The following CBFA2T3 variants were observed in gnomAD, a reference collection of about 807,000 sequenced individuals.
The protein encoded by CBFA2T3 is transcriptional corepressor CBFA2T3.
In CBFA2T3, 31 loss-of-function variants were observed where a neutral mutation model predicts 58.6. The ratio of observed to expected loss-of-function variants is 0.53; its 90% CI spans 0.40 to 0.71. The LOEUF (loss-of-function observed/expected upper bound fraction) is 0.71. Ranked by LOEUF, CBFA2T3 falls within the 30% of genes least tolerant of loss-of-function variation. The pLI, the probability that CBFA2T3 is intolerant of heterozygous loss-of-function variation, is 0.00. For missense variants in CBFA2T3, 1,076 were observed against 963.1 expected, an observed-to-expected ratio of 1.12 and a Z score of -1.55; for synonymous variants, 531 against 421.9, an observed-to-expected ratio of 1.26 and a Z score of -3.17.
intron 1 of CBFA2T3, 108 bp from the exon 2 acceptor site, chr16:88,901,764 G>A (rs545429052): frequency 4.8e-5 from 48 of 1,009,488 alleles, no homozygotes; most frequent in Admixed American, 3.5e-4. Flanking sequence ...TCCGCCCAGC[G>A]CTGGGGCAGT....
At chr16:88,880,494 G>A (rs1969023887) in intron 10 of CBFA2T3, among the ~76,000 whole-genome samples, 1 of 152,160 alleles carries the variant, frequency 6.6e-6, no homozygotes. Flanking sequence ...TTATTCTGCT[G>A]GGCGGCCACC....
intron 5 of CBFA2T3, among the ~76,000 whole-genome samples, chr16:88,890,944 C>T (rs1048433636): frequency 2.0e-5 from 3 of 152,124 alleles, no homozygotes; most frequent in Admixed American, 6.5e-5. Context: ...GAACTCCTGG[C>T]CTCAAGCAAT....
chr16:88,948,741 C>T (rs1216035559), intron 1 of CBFA2T3, among the ~76,000 whole-genome samples: 1 of 152,202 alleles, frequency 6.6e-6, no homozygotes, highest in Non-Finnish European at 1.5e-5. Context: ...TGAAGCTTGC[C>T]AAACCTCAGT....
At chr16:88,890,550 C>T (rs1180105445) in intron 5 of CBFA2T3, among the ~76,000 whole-genome samples, 2 of 152,334 alleles carry the variant, frequency 1.3e-5, no homozygotes, top group East Asian at 3.9e-4. Context: ...TGGTCAGACA[C>T]ATTTGGGGAA....
At chr16:88,940,862 G>C (rs957885652) in intron 1 of CBFA2T3, among the ~76,000 whole-genome samples, 1 of 152,198 alleles carries the variant, frequency 6.6e-6, no homozygotes, top group African/African-American at 2.4e-5. Context: ...CAGCCCGGAT[G>C]GGTGGGCGCT....
chr16:88,971,670 A>C (rs1204379655), intron 1 of CBFA2T3, among the ~76,000 whole-genome samples: 1 of 152,194 alleles, frequency 6.6e-6, no homozygotes, highest in Non-Finnish European at 1.5e-5. Flanking sequence ...GACCCAGTCC[A>C]CAGCTCCCAG....
intron 9 of CBFA2T3, 162 bp from the exon 10 acceptor site, chr16:88,880,950 G>A (rs1307370183): frequency 1.4e-6 from 1 of 702,862 alleles, no homozygotes; most frequent in African/African-American, 1.8e-5. Flanking sequence ...AGGCACCCAG[G>A]GCAGTGCCCG....
intron 3 of CBFA2T3, among the ~76,000 whole-genome samples, chr16:88,894,205 TAC>T (rs1491263198): frequency 7.0e-5 from 10 of 143,254 alleles, no homozygotes; most frequent in Middle Eastern, 3.6e-3. Context: ...GCACACAATG[TAC>T]ACACATGCAC....
In CBFA2T3 at chr16:88,882,571, TGTGGGC is replaced by T. The variant is rs1319334095; in HGVS notation, c.1203+99_1203+104del. 27 of 401,208 alleles carry T rather than the reference TGTGGGC, an allele frequency of 6.7e-5. No individual in the cohort carries two copies. The East Asian group carries it at 2.6e-3, about 38-fold the overall frequency. The allele number at this position is 401,208 out of a possible 1,614,324, so 24.9% of individuals were successfully genotyped here. Reference sequence around the variant, plus strand: ...GGGTGTGGCTGTGTGTGGGCATGGCTGTGGGCGTGGCTGTGTGTGCATGGCTGTGTG... The same window carrying T: ...GGGTGTGGCTGTGTGTGGGCATGGCTGTGGCTGTGTGTGCATGGCTGTGTG... On this transcript the variant is annotated intron_variant, in intron 8 of 11. Coordinates refer to ENST00000268679, the MANE Select transcript of CBFA2T3 (RefSeq NM_005187.6).
In CBFA2T3 at chr16:88,924,188, C is replaced by T. The variant is rs780879542; in HGVS notation, c.152-22532G>A. 3.4e-4 allele frequency among the ~76,000 whole-genome samples: 52 copies of T among 152,192 alleles called. 1 individual carries two copies. The highest frequency in any genetic ancestry group is 2.5e-4 in the Non-Finnish European group (17 of 68,026). ...TCATGTCTACCCTGGAGGGGCTACA[C>T]CTGCTGGGCTGAGTCCCAGTGAGCC... On this transcript the variant is annotated intron_variant, in intron 1 of 11. Transcript: ENST00000268679.
At chr16:88,899,707 A>G (rs764814791) in intron 2 of CBFA2T3, among the ~76,000 whole-genome samples, 1 of 152,190 alleles carries the variant, frequency 6.6e-6, no homozygotes, top group African/African-American at 2.4e-5. Flanking sequence ...CGCACCCTTG[A>G]GGGTCTGGGG....
chr16:88,916,925 G>A (rs930737765), intron 1 of CBFA2T3, among the ~76,000 whole-genome samples: 3 of 151,742 alleles, frequency 2.0e-5, no homozygotes, highest in South Asian at 2.1e-4. Flanking sequence ...GTTACTAGAC[G>A]GGCGCAGAAG....
At position 88,875,970 on chromosome 16, in the gene CBFA2T3, A is replaced by G. The variant is rs920867375; in HGVS notation, c.*1006T>C. 5 of 233,162 alleles carry G rather than the reference A, an allele frequency of 2.1e-5. No individual in the cohort carries two copies. Among genetic ancestry groups the G allele is most frequent in the African/African-American group, 8.8e-5 (4 of 45,340 alleles). The allele number at this position is 233,162 out of a possible 1,614,324, so 14.4% of individuals were successfully genotyped here. ...ACCAACGCCTACGCAGAAGAGAACA[A>G]AAGTCGCTTCTAACTGGGCACAAAC... On this transcript the variant is annotated 3_prime_UTR_variant, in exon 12 of 12. Coordinates refer to ENST00000268679, the MANE Select transcript of CBFA2T3 (RefSeq NM_005187.6).
intron 1 of CBFA2T3, among the ~76,000 whole-genome samples, chr16:88,949,348 C>A (rs747632249): frequency 4.6e-5 from 7 of 152,112 alleles, no homozygotes; most frequent in Non-Finnish European, 7.3e-5. Context: ...CACTTGAGGT[C>A]AGCAGTTCAA....
In CBFA2T3 at chr16:88,916,401, C is replaced by T. The variant is rs533910028; in HGVS notation, c.152-14745G>A. On this transcript the variant is annotated intron_variant, in intron 1 of 11. Transcript: ENST00000268679. ...ACATGGGGGTGTATGTATTCATATG[C>T]GTATTCATGCGTGTGCATGGCTGTG... is the stretch of plus-strand genomic sequence containing the variant. Among the ~76,000 whole-genome samples the T allele has an allele frequency of 3.9e-3, 560 of 144,326 alleles. 1 individual carries two copies. Among genetic ancestry groups the T allele is most frequent in the African/African-American group, 0.014 (533 of 38,692 alleles). 94.7% of individuals were successfully genotyped at this position (144,326 alleles called of 152,430 possible).
intron 1 of CBFA2T3, among the ~76,000 whole-genome samples, chr16:88,969,144 T>G (rs572671002): frequency 6.6e-6 from 1 of 152,324 alleles, no homozygotes; most frequent in South Asian, 2.1e-4. Context: ...CTGGCCCGGA[T>G]GCCGCCGGGG....
At chr16:88,881,890 G>A (rs1446934477) in intron 8 of CBFA2T3, among the ~76,000 whole-genome samples, 2 of 152,212 alleles carry the variant, frequency 1.3e-5, no homozygotes, top group East Asian at 1.9e-4. Context: ...CTCCTGGGAC[G>A]TGCTGCAGGA....
chr16:88,894,501 A>G (rs372026139), intron 3 of CBFA2T3, among the ~76,000 whole-genome samples: 33 of 113,466 alleles, frequency 2.9e-4, no homozygotes, highest in African/African-American at 1.2e-3. Flanking sequence ...ACACATGCAC[A>G]CACACATGCA....
chr16:88,965,433 A>T (rs1338676396), intron 1 of CBFA2T3, among the ~76,000 whole-genome samples: 1 of 152,250 alleles, frequency 6.6e-6, no homozygotes, highest in African/African-American at 2.4e-5. Flanking sequence ...CCCATGTGGC[A>T]CCATTGCCAA....
Sources: allele counts gnomAD v4.1 joint callset (sites outside exome capture counted in the v4.1 genomes callset), GRCh38; gene constraint gnomAD v4.1.1; transcripts MANE v1.5; gene names NCBI Gene and HGNC (gene_info 2026-07-23, HGNC 2026-07-21).